TXNDC8: variants seen among roughly 807,000 people sequenced by gnomAD.
The protein encoded by TXNDC8 is thioredoxin domain containing 8, also known as thioredoxin domain-containing protein 8.
A neutral mutation model predicts 12.9 loss-of-function variants in TXNDC8; 15 were observed. That is an observed-to-expected ratio of 1.16 (90% CI 0.78 to 1.79). TXNDC8 has a LOEUF of 1.79. TXNDC8 is among the 40% of genes most tolerant of loss of function. The pLI is 0.00. For synonymous variants in TXNDC8, 40 were observed against 35.4 expected, an observed-to-expected ratio of 1.13 and a Z score of -0.46; for missense variants, 128 against 113.2, an observed-to-expected ratio of 1.13 and a Z score of -0.59.
At chr9:110,303,792 A>T (rs1221072650) in intron 4 of TXNDC8, 1 of 1,225,192 alleles carries the variant, frequency 8.2e-7, no homozygotes, top group African/African-American at 1.5e-5. Context: ...TTTGCTAAAA[A>T]CTTTGCCAGA....
intron 3 of TXNDC8, chr9:110,324,136 T>G (rs1199829371): frequency 4.2e-6 from 5 of 1,180,746 alleles, no homozygotes; most frequent in Non-Finnish European, 5.7e-6. Context: ...GAGTAACTGA[T>G]GGATAGAGGC....
rs946131309 is a variant in TXNDC8 at position 110,325,425 on chromosome 9, C to T, written c.195+750G>A. 3.3e-5 allele frequency among the ~76,000 whole-genome samples: 5 copies of T among 151,442 alleles called. 1 individual carries two copies. Among genetic ancestry groups the T allele is most frequent in the South Asian group, 4.2e-4 (2 of 4,784 alleles). ...ATGTGAATCATGGGAACCTGAATCC[C>T]GAGCCTGCGTGCTCAACCACTAGGC... On this transcript the variant is annotated intron_variant, in intron 3 of 4. Coordinates refer to ENST00000423740, the MANE Select transcript of TXNDC8 (RefSeq NM_001286946.2).
chr9:110,334,712 T>A (rs949871430), intron 1 of TXNDC8, among the ~76,000 whole-genome samples: 3 of 152,170 alleles, frequency 2.0e-5, no homozygotes, highest in Admixed American at 2.0e-4. Context: ...GGTGGTTACC[T>A]CTGAGGAGAA....
chr9:110,324,048 G>C, intron 3 of TXNDC8: 1 of 1,540,036 alleles, frequency 6.5e-7, no homozygotes, highest in Non-Finnish European at 8.8e-7. Context: ...TGGTTCCTTG[G>C]AGGAAAATCA....
At chr9:110,324,275 C>T (rs1339284049) in intron 3 of TXNDC8, among the ~76,000 whole-genome samples, 2 of 152,146 alleles carry the variant, frequency 1.3e-5, no homozygotes, top group Non-Finnish European at 2.9e-5. Flanking sequence ...GACAATTGGA[C>T]ATCTAAGTCA....
Position 110,303,816 on chromosome 9 carries a change from C to G in TXNDC8, c.262-108G>C, listed in dbSNP as rs1345001210. The G allele has an allele frequency of 3.6e-6, 3 of 839,798 alleles. No homozygotes were observed. In the East Asian group the frequency reaches 8.3e-5, roughly 23 times the overall value. The allele number at this position is 839,798 out of a possible 1,614,324, so 52.0% of individuals were successfully genotyped here. On this transcript the variant is annotated intron_variant, in intron 4 of 4. Coordinates refer to ENST00000423740, the MANE Select transcript of TXNDC8 (RefSeq NM_001286946.2). ...AACTTTGCCAGATCTCTATAATTCT[C>G]CATAATATACCTTTAATCTAAGATC... is the stretch of plus-strand genomic sequence containing the variant.
At position 110,337,405 on chromosome 9, in the gene TXNDC8, T is replaced by C. The variant is rs570025987; in HGVS notation, c.24+368A>G. ...CATCTGGGGTTTCTATTATTTTTCC[T>C]TGGATAAGAGAAAAGATGTGGACTT... On this transcript the variant is annotated intron_variant, in intron 1 of 4. Coordinates refer to ENST00000423740, the MANE Select transcript of TXNDC8 (RefSeq NM_001286946.2). Among the ~76,000 whole-genome samples, 41 of 152,320 alleles carry C rather than the reference T, an allele frequency of 2.7e-4. No homozygotes were observed. The South Asian group carries it at 8.1e-3, about 30-fold the overall frequency.
chr9:110,323,521 T>A (rs918875652), intron 3 of TXNDC8: 3 of 208,412 alleles, frequency 1.4e-5, no homozygotes, highest in African/African-American at 4.7e-5. Flanking sequence ...AGGGAATGAG[T>A]GGAAAATGAG....
chr9:110,323,527 A>T (rs1839190971), intron 3 of TXNDC8: 1 of 206,906 alleles, frequency 4.8e-6, no homozygotes, highest in Non-Finnish European at 8.7e-6. Flanking sequence ...TGAGTGGAAA[A>T]TGAGAATTGG....
chr9:110,327,852 A>G (rs946786092), intron 2 of TXNDC8, among the ~76,000 whole-genome samples: 2 of 152,142 alleles, frequency 1.3e-5, no homozygotes, highest in East Asian at 1.9e-4. Context: ...AGAGTGATGA[A>G]AGTGTTCTAA....
At chr9:110,310,466 A>C (rs1838623475) in intron 3 of TXNDC8, among the ~76,000 whole-genome samples, 2 of 152,180 alleles carry the variant, frequency 1.3e-5, no homozygotes, top group Non-Finnish European at 1.5e-5. Context: ...GATAGGAAAA[A>C]ATAGAGTCTA....
At chr9:110,313,556 C>T (rs1465437465) in intron 3 of TXNDC8, among the ~76,000 whole-genome samples, 1 of 152,100 alleles carries the variant, frequency 6.6e-6, no homozygotes, top group Non-Finnish European at 1.5e-5. Flanking sequence ...CAAAAATTAG[C>T]CAGGCGTGGT....
In TXNDC8 at chr9:110,316,933, T is replaced by C. The variant is rs188936205; in HGVS notation, c.195+9242A>G. Among the ~76,000 whole-genome samples the C allele has an allele frequency of 7.9e-5, 12 of 152,360 alleles. No individual in the cohort carries two copies. The East Asian group carries it at 2.1e-3, about 27-fold the overall frequency. ...GTGACAATTCATAAACAAATGGGCA[T>C]GGCTGTGTTCCAGTGAAAGTTTATT... On this transcript the variant is annotated intron_variant, in intron 3 of 4. Transcript: ENST00000423740.
intron 2 of TXNDC8, among the ~76,000 whole-genome samples, chr9:110,327,587 T>A (rs1330292861): frequency 6.6e-6 from 1 of 152,144 alleles, no homozygotes. Context: ...CCTCCCAAAG[T>A]GCTGATATTA....
At position 110,310,395 on chromosome 9, in the gene TXNDC8, G is replaced by A. The variant is rs999618016; in HGVS notation, c.196-5863C>T. 3.3e-5 allele frequency among the ~76,000 whole-genome samples: 5 copies of A among 152,038 alleles called. No homozygotes were observed. In the East Asian group the frequency reaches 9.6e-4, roughly 29 times the overall value. On this transcript the variant is annotated intron_variant, in intron 3 of 4. Coordinates refer to ENST00000423740, the MANE Select transcript of TXNDC8 (RefSeq NM_001286946.2). ...TTTAAATTTAATATGCAAATTTAAG[G>A]CGATTTAGCTGACAACTGTCTAGGG... is the stretch of plus-strand genomic sequence containing the variant.
At chr9:110,326,945 C>CACACACAA (rs1839346057) in intron 2 of TXNDC8, among the ~76,000 whole-genome samples, 1 of 146,678 alleles carries the variant, frequency 6.8e-6, no homozygotes, top group Non-Finnish European at 1.5e-5. Flanking sequence ...CTCATGCACA[C>CACACACAA]ACACACACAC....
intron 3 of TXNDC8, among the ~76,000 whole-genome samples, chr9:110,305,105 G>A (rs1838382117): frequency 8.0e-6 from 1 of 125,770 alleles, no homozygotes; most frequent in Non-Finnish European, 1.6e-5. Flanking sequence ...CCACGATCAA[G>A]CCACTGCATT....
chr9:110,303,347 A>T (rs1437516855), downstream of TXNDC8, among the ~76,000 whole-genome samples: 1 of 152,372 alleles, frequency 6.6e-6, no homozygotes, highest in South Asian at 2.1e-4. Flanking sequence ...GCAATCTCTC[A>T]TATTGCAACA....
At chr9:110,310,200 GGTGTGT>G (rs67807947) in intron 3 of TXNDC8, among the ~76,000 whole-genome samples, 3 of 149,504 alleles carry the variant, frequency 2.0e-5, no homozygotes, top group African/African-American at 7.4e-5. Context: ...CTTTGTGTGT[GGTGTGT>G]GTGTGTGTGT....
Sources: allele counts gnomAD v4.1 joint callset (sites outside exome capture counted in the v4.1 genomes callset), GRCh38; gene constraint gnomAD v4.1.1; transcripts MANE v1.5; gene names NCBI Gene and HGNC (gene_info 2026-07-23, HGNC 2026-07-21).